SIDT1: variants seen among roughly 807,000 people sequenced by gnomAD.
SIDT1 encodes the protein SID1 transmembrane family, member 1.
Under a neutral mutation model 107.5 loss-of-function variants are expected in SIDT1, and 101 were observed. The observed-to-expected ratio is 0.94, with a 90% confidence interval of 0.80 to 1.11. The LOEUF (loss-of-function observed/expected upper bound fraction) is 1.11, where lower values mean the gene tolerates loss of function less well. Among genes scored for constraint, SIDT1 ranks in the 50% least tolerant of loss-of-function variants. The probability of loss-of-function intolerance (pLI) is 0.00; values close to 1 mark genes in which losing one functional copy is unlikely to be tolerated. For synonymous variants in SIDT1, 395 were observed against 398.2 expected (o/e 0.99, Z 0.10); for missense variants, 1,076 against 1,058.2 (o/e 1.02, Z -0.23).
intron 1 of SIDT1, among the ~76,000 whole-genome samples, chr3:113,538,346 G>A (rs1178542335): frequency 2.0e-5 from 3 of 152,214 alleles, no homozygotes; most frequent in Non-Finnish European, 4.4e-5. Context: ...TGGAGGAGCT[G>A]CCTTCTGCCT....
At chr3:113,636,105 A>G in the SIDT1 span, among the ~76,000 whole-genome samples, 1 of 152,086 alleles carries the variant, frequency 6.6e-6, no homozygotes, top group Non-Finnish European at 1.5e-5. Flanking sequence ...GGGCTTTTTA[A>G]AAAATATATT....
intron 2 of SIDT1, 152 bp from the exon 3 acceptor site, chr3:113,567,388 T>A (rs898520768): frequency 3.2e-6 from 2 of 624,446 alleles, no homozygotes; most frequent in Non-Finnish European, 5.6e-6. Context: ...GTTCTAAAAT[T>A]ACTATTGATA....
chr3:113,557,001 G>A (rs1182298577), intron 1 of SIDT1, among the ~76,000 whole-genome samples: 1 of 151,754 alleles, frequency 6.6e-6, no homozygotes, highest in Non-Finnish European at 1.5e-5. Context: ...TGTATTTTTA[G>A]TAGAGGCGGG....
In SIDT1 at chr3:113,583,504, C is replaced by T; in HGVS notation, c.835+8C>T. On this transcript the variant is annotated splice_region_variant and intron_variant, in intron 7 of 24. Coordinates refer to ENST00000264852, the MANE Select transcript of SIDT1 (RefSeq NM_017699.3). ...GATCTTTCTTCATCCAGGGTAAGAG[C>T]TAGTGAGGAACACTTGGCTGCTTAG... 1 of 1,564,352 alleles carries T rather than the reference C, an allele frequency of 6.4e-7. No homozygotes were observed. The highest frequency in any genetic ancestry group is 8.7e-7 in the Non-Finnish European group (1 of 1,144,118).
intron 21 of SIDT1, among the ~76,000 whole-genome samples, chr3:113,621,439 A>C (rs1284520275): frequency 1.3e-5 from 2 of 150,976 alleles, no homozygotes; most frequent in Non-Finnish European, 3.0e-5. Flanking sequence ...ACCCTCTCTC[A>C]AAAAAAAAGA....
At chr3:113,573,799 C>T (rs1205233797) in intron 3 of SIDT1, among the ~76,000 whole-genome samples, 1 of 152,160 alleles carries the variant, frequency 6.6e-6, no homozygotes, top group Non-Finnish European at 1.5e-5. Flanking sequence ...ACCTGCTAGC[C>T]TGTAAAACTG....
chr3:113,577,418 C>T (rs1009045040), intron 4 of SIDT1, among the ~76,000 whole-genome samples: 6 of 152,082 alleles, frequency 3.9e-5, no homozygotes, highest in African/African-American at 7.2e-5. Flanking sequence ...GGAAATACAA[C>T]GAAAATAAGA....
intron 10 of SIDT1, among the ~76,000 whole-genome samples, chr3:113,596,900 C>A (rs957720235): frequency 6.6e-6 from 1 of 152,308 alleles, no homozygotes; most frequent in South Asian, 2.1e-4. Flanking sequence ...CCAACCCAAT[C>A]CTTCCCTGGA....
At chr3:113,551,308 T>C (rs1940204431) in intron 1 of SIDT1, among the ~76,000 whole-genome samples, 1 of 152,192 alleles carries the variant, frequency 6.6e-6, no homozygotes, top group African/African-American at 2.4e-5. Context: ...TCGAATGGTA[T>C]TTCTGTTTTG....
chr3:113,532,895 C>A lies in SIDT1; in HGVS notation c.-127C>A, dbSNP rs1209582554. On this transcript the variant is annotated 5_prime_UTR_variant, in exon 1 of 25. Transcript: ENST00000264852. ...GCTGCCAGCCCTGGCCGGCTGGGTT[C>A]GCCAGGCATCACCCGCTCGGCTCTG... The A allele has an allele frequency of 3.4e-6, 2 of 585,160 alleles. No individual in the cohort carries two copies. The highest frequency in any genetic ancestry group is 2.0e-5 in the African/African-American group (1 of 50,906). The allele number at this position is 585,160 out of a possible 1,614,324, so 36.2% of individuals were successfully genotyped here. A position where few individuals can be genotyped will look rare whatever the true frequency, so the allele number is the denominator to read the frequency against.
chr3:113,586,403 A>G (rs1943749057), intron 9 of SIDT1, among the ~76,000 whole-genome samples: 1 of 152,246 alleles, frequency 6.6e-6, no homozygotes. Flanking sequence ...ATTAGCAGAT[A>G]CTGATAGTAG....
chr3:113,558,866 A>G (rs952193088), intron 1 of SIDT1, among the ~76,000 whole-genome samples: 3 of 152,174 alleles, frequency 2.0e-5, no homozygotes, highest in Non-Finnish European at 4.4e-5. Context: ...GAGTATATAT[A>G]TTTTACTGAA....
chr3:113,605,903 C>T (rs914028396), intron 14 of SIDT1, among the ~76,000 whole-genome samples: 1 of 151,578 alleles, frequency 6.6e-6, no homozygotes, highest in Non-Finnish European at 1.5e-5. Flanking sequence ...ACTCGGGAGG[C>T]TGAAGTGGGA....
Position 113,550,540 on chromosome 3 carries a change from C to T in SIDT1, c.223-15880C>T, listed in dbSNP as rs114757321. Among the ~76,000 whole-genome samples, 711 of 152,192 alleles carry T rather than the reference C, an allele frequency of 4.7e-3. 2 individuals are homozygous for T. The highest frequency in any genetic ancestry group is 8.0e-3 in the Non-Finnish European group (547 of 68,012). ...GTCATGTGCCATCATTTCCTTTATCCAAGTCAATGAACTTATCTTTGTCAA... is the reference window on the plus strand; with the variant it reads ...GTCATGTGCCATCATTTCCTTTATCTAAGTCAATGAACTTATCTTTGTCAA... On this transcript the variant is annotated intron_variant, in intron 1 of 24. Coordinates refer to ENST00000264852, the MANE Select transcript of SIDT1 (RefSeq NM_017699.3).
chr3:113,593,998 A>G (rs1944362413), intron 10 of SIDT1, among the ~76,000 whole-genome samples: 1 of 152,222 alleles, frequency 6.6e-6, no homozygotes, highest in South Asian at 2.1e-4. Flanking sequence ...CTCATAGGTT[A>G]TTTGGCATAG....
chr3:113,623,499 T>C lies in SIDT1; in HGVS notation c.2163T>C (p.Leu721=). Residue 721 remains leucine (L), a synonymous_variant, in exon 22 of 25, where the codon CTT becomes CTC. Transcript: ENST00000264852. ...TGCTGGGCATCTTCATCTGTAACCT[T>C]TTGCTGTACCTGGCCTTTTACATCA... is the stretch of plus-strand genomic sequence containing the variant. ...SYMLGIFICN[L]LLYLAFYIIM... 6.2e-7 allele frequency: 1 copy of C among 1,614,066 alleles called. No homozygotes were observed. The highest frequency in any genetic ancestry group is 8.5e-7 in the Non-Finnish European group (1 of 1,179,970).
chr3:113,570,389 C>A (rs1176931434), intron 3 of SIDT1, among the ~76,000 whole-genome samples: 1 of 152,166 alleles, frequency 6.6e-6, no homozygotes, highest in Non-Finnish European at 1.5e-5. Flanking sequence ...TCAAGTGTCA[C>A]CTGGTAGCAG....
At chr3:113,585,835 A>G (rs529229043) in intron 9 of SIDT1, among the ~76,000 whole-genome samples, 1 of 152,196 alleles carries the variant, frequency 6.6e-6, no homozygotes, top group East Asian at 1.9e-4. Context: ...ATTTGACCAA[A>G]GAAATTTCCC....
intron 1 of SIDT1, among the ~76,000 whole-genome samples, chr3:113,537,149 T>C (rs1938266135): frequency 6.6e-6 from 1 of 152,256 alleles, no homozygotes; most frequent in South Asian, 2.1e-4. Flanking sequence ...GAGGTTTTCC[T>C]GTAAGAATTT....
Sources: allele counts gnomAD v4.1 joint callset (sites outside exome capture counted in the v4.1 genomes callset), GRCh38; gene constraint gnomAD v4.1.1; transcripts MANE v1.5; gene names NCBI Gene and HGNC (gene_info 2026-07-23, HGNC 2026-07-21).